PHIP: variants seen among roughly 807,000 people sequenced by gnomAD.
The protein encoded by PHIP is PHIP subunit of CUL4-Ring ligase complex, also known as PH-interacting protein.
PHIP carries 54 observed loss-of-function variants against 236.8 expected under a neutral mutation model. The ratio of observed to expected loss-of-function variants is 0.23; its 90% confidence interval spans 0.18 to 0.29. PHIP has a LOEUF of 0.29. Ranked by LOEUF, PHIP falls within the 10% of genes least tolerant of loss-of-function variation. PHIP has a pLI of 1.00. For missense variants in PHIP, 1,370 were observed against 2,190.8 expected (o/e 0.63, Z 7.48); for synonymous variants, 756 against 718.9 (o/e 1.05, Z -0.83).
intron 29 of PHIP, among the ~76,000 whole-genome samples, chr6:78,964,129 A>G (rs1009099098): frequency 6.6e-6 from 1 of 152,232 alleles, no homozygotes; most frequent in Admixed American, 6.5e-5. Flanking sequence ...TTAATAAATG[A>G]GAGAAACAAA....
rs1773316882 is a variant in PHIP, at chr6:78,937,441, G to C, written c.*3252C>G. 6.6e-6 allele frequency: 1 copy of C among 151,706 alleles called. No individual in the cohort carries two copies. The highest frequency in any genetic ancestry group is 1.5e-5 in the Non-Finnish European group (1 of 67,638). 9.4% of individuals were successfully genotyped at this position (151,706 alleles called of 1,614,324 possible). A position where few individuals can be genotyped will look rare whatever the true frequency, so the allele number is the denominator to read the frequency against. On this transcript the variant is annotated 3_prime_UTR_variant, in exon 40 of 40. Coordinates refer to ENST00000275034, the MANE Select transcript of PHIP (RefSeq NM_017934.7). ...TCTACTGCACTGCAGATGAGGGACA[G>C]TTCTAGATGTTAACATACATGCTGC...
At chr6:78,984,235 T>C (rs115817393) in intron 22 of PHIP, among the ~76,000 whole-genome samples, 2,470 of 152,300 alleles carry the variant, frequency 0.016, 64 homozygotes, top group African/African-American at 0.056. Context: ...AATTAAGATG[T>C]TCTCTAGCAT....
intron 15 of PHIP, among the ~76,000 whole-genome samples, chr6:79,008,529 T>G (rs1406266446): frequency 6.6e-6 from 1 of 152,124 alleles, no homozygotes; most frequent in Non-Finnish European, 1.5e-5. Context: ...TTGAGGCTTA[T>G]TTTCTTTTGG....
rs976209768 is a variant in PHIP, at chr6:79,058,368, T to G, written c.439+2110A>C. Among the ~76,000 whole-genome samples the G allele has an allele frequency of 5.3e-5, 8 of 152,218 alleles. No individual in the cohort carries two copies. The South Asian group carries it at 6.2e-4, about 12-fold the overall frequency. On this transcript the variant is annotated intron_variant, in intron 6 of 39. Transcript: ENST00000275034. ...GGGAAGATAAATGTTCCTCTCTCCT[T>G]GTCAGCAGTATTTACTAATCTGACC...
chr6:79,014,666 C>G (rs1311851353), intron 15 of PHIP, among the ~76,000 whole-genome samples: 1 of 151,752 alleles, frequency 6.6e-6, no homozygotes, highest in Non-Finnish European at 1.5e-5. Context: ...ATGCTTGATT[C>G]TTTGGCCTTA....
intron 4 of PHIP, among the ~76,000 whole-genome samples, chr6:79,077,045 G>A (rs1221955288): frequency 6.6e-6 from 1 of 152,088 alleles, no homozygotes; most frequent in Non-Finnish European, 1.5e-5. Flanking sequence ...AAGCCGAGCC[G>A]GCCGCGCGTG....
intron 35 of PHIP, among the ~76,000 whole-genome samples, chr6:78,948,248 T>C (rs1773936656): frequency 6.6e-6 from 1 of 152,036 alleles, no homozygotes; most frequent in African/African-American, 2.4e-5. Context: ...AATCTCAACT[T>C]CAGTACTAAA....
chr6:79,062,085 A>G (rs1416360886), intron 4 of PHIP, among the ~76,000 whole-genome samples: 2 of 152,192 alleles, frequency 1.3e-5, no homozygotes, highest in Non-Finnish European at 2.9e-5. Context: ...TTTGGCATAC[A>G]GTAGGTGATA....
chr6:79,078,042 C>G lies in PHIP; in HGVS notation c.27G>C (p.Ser9=), dbSNP rs1359984496. 3 of 1,609,280 alleles carry G rather than the reference C, an allele frequency of 1.9e-6. No homozygotes were observed. The highest frequency in any genetic ancestry group is 2.5e-6 in the Non-Finnish European group (3 of 1,179,462). Residue 9 remains serine (S), a synonymous_variant, in exon 1 of 40, where the codon TCG becomes TCC. Coordinates refer to ENST00000275034, the MANE Select transcript of PHIP (RefSeq NM_017934.7). MSCERKGL[S]ELRSELYFLI... ...CCCCCGACTTACCCGATCGCAGCTC[C>G]GAGAGGCCTTTCCTCTCACAAGACA...
chr6:78,970,437 T>C (rs960273686), intron 25 of PHIP, among the ~76,000 whole-genome samples: 42 of 152,302 alleles, frequency 2.8e-4, no homozygotes, highest in African/African-American at 8.4e-4. Context: ...AAGTTTTCTA[T>C]CACCATTCCA....
intron 39 of PHIP, among the ~76,000 whole-genome samples, chr6:78,944,832 C>CA (rs1405127742): frequency 2.6e-5 from 4 of 152,120 alleles, no homozygotes; most frequent in Admixed American, 2.0e-4. Context: ...TTACCTTCTT[C>CA]ATCTTTCAAA....
chr6:79,059,625 A>ATATATATATAT (rs1562216779), intron 6 of PHIP, among the ~76,000 whole-genome samples: 2 of 58,194 alleles, frequency 3.4e-5, no homozygotes, highest in African/African-American at 4.9e-5. Flanking sequence ...ATATATATAT[A>ATATATATATAT]AAAATGCCAA....
At chr6:78,972,235 G>T (rs1296001024) in intron 24 of PHIP, among the ~76,000 whole-genome samples, 3 of 152,204 alleles carry the variant, frequency 2.0e-5, no homozygotes, top group Non-Finnish European at 4.4e-5. Context: ...CCCCTGAGCA[G>T]CCTAACTGGG....
intron 4 of PHIP, among the ~76,000 whole-genome samples, chr6:79,069,021 T>C (rs1015042175): frequency 6.6e-6 from 1 of 152,018 alleles, no homozygotes; most frequent in East Asian, 1.9e-4. Context: ...CTCACAGTTT[T>C]GTCAGATATA....
chr6:79,036,795 C>G lies in PHIP; in HGVS notation c.600+6048G>C, dbSNP rs974185185. ...AATTAGCCAGGCGTGGTGGTGGGTG[C>G]CTGTAATGCCAGCTACTCGGGAGGC... On this transcript the variant is annotated intron_variant, in intron 7 of 39. Coordinates refer to ENST00000275034, the MANE Select transcript of PHIP (RefSeq NM_017934.7). Among the ~76,000 whole-genome samples the G allele has an allele frequency of 2.0e-5, 3 of 151,580 alleles. No individual in the cohort carries two copies. The East Asian group carries it at 5.8e-4, about 29-fold the overall frequency.
At chr6:79,026,608 G>C (rs1771412535) in intron 7 of PHIP, among the ~76,000 whole-genome samples, 3 of 151,888 alleles carry the variant, frequency 2.0e-5, no homozygotes. Context: ...TCCTATCACT[G>C]ATCTTCAGCT....
intron 15 of PHIP, among the ~76,000 whole-genome samples, chr6:79,006,707 T>C (rs1770309783): frequency 6.6e-6 from 1 of 151,984 alleles, no homozygotes; most frequent in Non-Finnish European, 1.5e-5. Flanking sequence ...AGTAAAATAA[T>C]TAGAAATAGA....
chr6:79,047,395 A>G (rs1772554949), intron 6 of PHIP, among the ~76,000 whole-genome samples: 1 of 152,208 alleles, frequency 6.6e-6, no homozygotes, highest in Non-Finnish European at 1.5e-5. Flanking sequence ...TCATAATACT[A>G]ATGCATATTC....
intron 35 of PHIP, among the ~76,000 whole-genome samples, chr6:78,950,425 T>G (rs899000505): frequency 2.0e-5 from 3 of 152,208 alleles, no homozygotes; most frequent in Admixed American, 6.5e-5. Flanking sequence ...GAATTTGTGT[T>G]AATTCTTTAA....
Sources: allele counts gnomAD v4.1 joint callset (sites outside exome capture counted in the v4.1 genomes callset), GRCh38; gene constraint gnomAD v4.1.1; transcripts MANE v1.5; gene names NCBI Gene and HGNC (gene_info 2026-07-23, HGNC 2026-07-21).